PCDH1: variants seen among roughly 807,000 people sequenced by gnomAD.
PCDH1 encodes the protein protocadherin-1.
PCDH1 carries 23 observed loss-of-function variants against 74.6 expected under a neutral mutation model. That is an observed-to-expected ratio of 0.31 (90% CI 0.22 to 0.44). The LOEUF (loss-of-function observed/expected upper bound fraction) is 0.44, where lower values mean the gene tolerates loss of function less well. PCDH1 is among the 20% of genes least tolerant of loss of function. The pLI, the probability that PCDH1 is intolerant of heterozygous loss-of-function variation, is 1.00. For synonymous variants in PCDH1, 647 were observed against 686.1 expected (o/e 0.94, Z 0.89); for missense variants, 1,214 against 1,641.4 (o/e 0.74, Z 4.50).
rs181904971 is a variant in PCDH1 at position 141,863,706 on chromosome 5, G to A, written c.2625C>T (p.Arg875=). The A allele has an allele frequency of 6.2e-7, 1 of 1,614,206 alleles. No individual in the cohort carries two copies. Among genetic ancestry groups the A allele is most frequent in the Non-Finnish European group, 8.5e-7 (1 of 1,180,028 alleles). Residue 875 remains arginine (R), a synonymous_variant, in exon 3 of 5, where the codon CGC becomes CGT. Coordinates refer to ENST00000287008, the MANE Select transcript of PCDH1 (RefSeq NM_032420.5). This position sits in a 1 kb window ranked among gnomAD's most constrained non-coding sequence, Gnocchi z 7.5. ...ALLIALAVLV[R]YCRQREAKSG... ...TTTTGGCCTCCCGCTGTCTGCAGTA[G>A]CGCACAAGAACCGCCAGGGCGATGA... is the stretch of plus-strand genomic sequence containing the variant.
Position 141,869,825 on chromosome 5 carries a change from T to A in PCDH1, c.41-394A>T. On this transcript the variant is annotated intron_variant, in intron 1 of 4. Transcript: ENST00000287008. The surrounding 1 kb of genome is among the most constrained non-coding windows in gnomAD (Gnocchi z 4.9). ...ACGAGCATCCTGCCTTAGTCACCGA[T>A]GGTAATTACCTTGATACTGAGATAG... 1.0e-6 allele frequency: 1 copy of A among 984,256 alleles called. No homozygotes were observed. The highest frequency in any genetic ancestry group is 1.2e-6 in the Non-Finnish European group (1 of 828,886). The allele number at this position is 984,256 out of a possible 1,614,324, so 61.0% of individuals were successfully genotyped here. A position where few individuals can be genotyped will look rare whatever the true frequency, so the allele number is the denominator to read the frequency against.
Position 141,869,946 on chromosome 5 carries a change from TACAC to T in PCDH1, c.41-519_41-516del, listed in dbSNP as rs1199592442. Among the ~76,000 whole-genome samples, 1 of 152,096 alleles carries T rather than the reference TACAC, an allele frequency of 6.6e-6. No individual in the cohort carries two copies. The highest frequency in any genetic ancestry group is 1.5e-5 in the Non-Finnish European group (1 of 68,006). On this transcript the variant is annotated intron_variant, in intron 1 of 4. Coordinates refer to ENST00000287008, the MANE Select transcript of PCDH1 (RefSeq NM_032420.5). This position sits in a 1 kb window ranked among gnomAD's most constrained non-coding sequence, Gnocchi z 4.9. ...TAGGAAAGAGACACAAGTACGTCCT[TACAC>T]ACCCCAGACCCTGGGACCTTGACTT...
chr5:141,864,140 G>A lies in PCDH1; in HGVS notation c.2191C>T (p.Arg731Cys), dbSNP rs753105427. 3.1e-6 allele frequency: 5 copies of A among 1,609,108 alleles called. No homozygotes were observed. In the Admixed American group the frequency reaches 5.0e-5, roughly 16 times the overall value. The change falls in exon 3 of 5, where the codon CGT becomes TGT. Residue 731 changes from arginine (R) to cysteine (C), a missense_variant. Transcript: ENST00000287008. This position sits in a 1 kb window ranked among gnomAD's most constrained non-coding sequence, Gnocchi z 5.9. ...TSHKLLTPQTRLGETVSQVAA... is the reference protein window; with the variant it reads ...TSHKLLTPQTCLGETVSQVAA... Reference sequence around the variant, plus strand: ...ACCTGGCTGACCGTCTCACCAAGACGTGTCTGGGGGGTCAGCAGCTTGTGA... The same window carrying A: ...ACCTGGCTGACCGTCTCACCAAGACATGTCTGGGGGGTCAGCAGCTTGTGA...
intron 1 of PCDH1, among the ~76,000 whole-genome samples, chr5:141,872,093 G>A (rs1278845570): frequency 6.6e-6 from 1 of 151,868 alleles, no homozygotes; most frequent in Non-Finnish European, 1.5e-5. Context: ...AAAGGAAGCA[G>A]GAATTTATCT....
Position 141,868,760 on chromosome 5 carries a change from G to T in PCDH1, c.712C>A (p.Leu238Met), listed in dbSNP as rs748436639. 7.4e-6 allele frequency: 12 copies of T among 1,614,062 alleles called. No individual in the cohort carries two copies. The Admixed American group carries it at 8.3e-5, about 11-fold the overall frequency. Residue 238 changes from leucine (L) to methionine (M), a missense_variant, in exon 2 of 5, where the codon CTG becomes ATG. Leu to Met is a conservative substitution (Grantham distance 15). Transcript: ENST00000287008. The surrounding 1 kb of genome is among the most constrained non-coding windows in gnomAD (Gnocchi z 4.8). Reference sequence around the variant, plus strand: ...TAGGAGTCCCAGCGCTCACGGTCCAGGTTGCCCATCACAATGAGCTGTGGT... The same window carrying T: ...TAGGAGTCCCAGCGCTCACGGTCCATGTTGCCCATCACAATGAGCTGTGGT... The part of the protein sequence containing the change: ...KQPQLIVMGN[L>M]DRERWDSYDL...
At chr5:141,870,236 G>A (rs1056977642) in intron 1 of PCDH1, among the ~76,000 whole-genome samples, 3 of 152,282 alleles carry the variant, frequency 2.0e-5, no homozygotes, top group Non-Finnish European at 2.9e-5. Context: ...GCCCCAGAAC[G>A]TGCACACAGG....
rs777936720 is a variant in PCDH1 at position 141,865,270 on chromosome 5, C to T, written c.1061G>A (p.Arg354His). 3.1e-6 allele frequency: 5 copies of T among 1,614,182 alleles called. No individual in the cohort carries two copies. Among genetic ancestry groups the T allele is most frequent in the South Asian group, 1.1e-5 (1 of 91,088 alleles). The change falls in exon 3 of 5, where the codon CGC (arginine) becomes CAC (histidine). Residue 354 changes from arginine to histidine, a missense_variant. Around this residue, in one of 4 missense-constraint regions of PCDH1, gnomAD observed 836 missense variants for 1,182.2 expected, o/e 0.71. Coordinates refer to ENST00000287008, the MANE Select transcript of PCDH1 (RefSeq NM_032420.5). This position sits in a 1 kb window ranked among gnomAD's most constrained non-coding sequence, Gnocchi z 4.4. Reference protein sequence around the residue: ...PVDREDLSTLRFSVLAKDRGT... With the variant: ...PVDREDLSTLHFSVLAKDRGT... ...TCGGTCCTTAGCAAGCACTGAGAAG[C>T]GCAGGGTGCTTAGGTCCTCACGGTC... is the stretch of plus-strand genomic sequence containing the variant.
In PCDH1 at chr5:141,865,378, G is replaced by A; in HGVS notation, c.953C>T (p.Thr318Ile). The A allele has an allele frequency of 6.2e-7, 1 of 1,614,030 alleles. No individual in the cohort carries two copies. The highest frequency in any genetic ancestry group is 8.5e-7 in the Non-Finnish European group (1 of 1,180,034). The change falls in exon 3 of 5, where the codon ACA (threonine) becomes ATA (isoleucine). Residue 318 changes from threonine (T) to isoleucine (I), a missense_variant. Transcript: ENST00000287008. This position sits in a 1 kb window ranked among gnomAD's most constrained non-coding sequence, Gnocchi z 4.4. ...CACAACTTCGGGCGCCTGGTGGAATGTGTATTCGATTTCTGCATTGGCACC... is the reference window on the plus strand; with the variant it reads ...CACAACTTCGGGCGCCTGGTGGAATATGTATTCGATTTCTGCATTGGCACC... ...DQGANAEIEY[T>I]FHQAPEVVRR...
chr5:141,863,039 T>G lies in PCDH1; in HGVS notation c.3099+193A>C. On this transcript the variant is annotated intron_variant, in intron 3 of 4. Coordinates refer to ENST00000287008, the MANE Select transcript of PCDH1 (RefSeq NM_032420.5). The surrounding 1 kb of genome is among the most constrained non-coding windows in gnomAD (Gnocchi z 7.5). ...GGAGACCACAGAGCACACCCTCCCT[T>G]AATCTTCACTCAGCCTAATCCGTGT... 1 of 1,317,974 alleles carries G rather than the reference T, an allele frequency of 7.6e-7. No homozygotes were observed. The highest frequency in any genetic ancestry group is 9.7e-7 in the Non-Finnish European group (1 of 1,033,314). The allele number at this position is 1,317,974 out of a possible 1,614,324, so 81.6% of individuals were successfully genotyped here.
At chr5:141,874,397 C>A (rs1031254865) in intron 1 of PCDH1, among the ~76,000 whole-genome samples, 1 of 152,198 alleles carries the variant, frequency 6.6e-6, no homozygotes, top group Non-Finnish European at 1.5e-5. Context: ...TTCCCCGGGC[C>A]CTGGCTGCCT....
intron 3 of PCDH1, chr5:141,862,589 C>T (rs1752608693): frequency 1.0e-6 from 1 of 981,154 alleles, no homozygotes; most frequent in Non-Finnish European, 1.2e-6. Flanking sequence ...GACCTGAGGA[C>T]AAAGGGCTGC....
At chr5:141,875,989 G>A (rs1753218208) in intron 1 of PCDH1, among the ~76,000 whole-genome samples, 1 of 152,220 alleles carries the variant, frequency 6.6e-6, no homozygotes, top group Non-Finnish European at 1.5e-5. Context: ...CAGAGCAGGT[G>A]CTAGAAGCCT....
At chr5:141,870,175 T>C (rs147287903) in intron 1 of PCDH1, among the ~76,000 whole-genome samples, 111 of 152,244 alleles carry the variant, frequency 7.3e-4, no homozygotes, top group Middle Eastern at 3.4e-3. Flanking sequence ...GTGAAAATGG[T>C]TAGGGTTGAG....
At position 141,864,075 on chromosome 5, in the gene PCDH1, C is replaced by T; in HGVS notation, c.2256G>A (p.Leu752=). Residue 752 remains leucine, a synonymous_variant, in exon 3 of 5, where the codon CTG becomes CTA. Transcript: ENST00000287008. The surrounding 1 kb of genome is among the most constrained non-coding windows in gnomAD (Gnocchi z 5.9). ...GGTTGCCACCTGCAATGCTGTAGAT[C>T]AGCTCAGCATTGACACCAGAGTCAA... ...EDFDSGVNAE[L]IYSIAGGNPY... 6.2e-7 allele frequency: 1 copy of T among 1,613,554 alleles called. No homozygotes were observed. The highest frequency in any genetic ancestry group is 8.5e-7 in the Non-Finnish European group (1 of 1,179,604).
intron 4 of PCDH1, among the ~76,000 whole-genome samples, chr5:141,855,790 C>T (rs543611758): frequency 3.3e-5 from 5 of 152,304 alleles, no homozygotes; most frequent in African/African-American, 1.2e-4. Context: ...GCCCCAGCTC[C>T]CTGCCCAGAA....
chr5:141,875,917 C>G (rs960378894), intron 1 of PCDH1, among the ~76,000 whole-genome samples: 1 of 152,142 alleles, frequency 6.6e-6, no homozygotes, highest in Non-Finnish European at 1.5e-5. Flanking sequence ...ACAGCTAGAC[C>G]TCCGGCTTGT....
At chr5:141,872,980 G>A (rs1464108385) in intron 1 of PCDH1, among the ~76,000 whole-genome samples, 1 of 152,162 alleles carries the variant, frequency 6.6e-6, no homozygotes, top group African/African-American at 2.4e-5. Context: ...TCTTCAAAAT[G>A]AGGATTATCT....
At position 141,869,067 on chromosome 5, in the gene PCDH1, C is replaced by T; in HGVS notation, c.405G>A (p.Glu135=). 6.2e-7 allele frequency: 1 copy of T among 1,614,074 alleles called. No individual in the cohort carries two copies. The highest frequency in any genetic ancestry group is 8.5e-7 in the Non-Finnish European group (1 of 1,180,028). ...NQLPGDPCIL[E]FEVSITDLVQ... Reference sequence around the variant, plus strand: ...CGAGGTCTGTGATAGATACCTCAAACTCCAGGATGCAGGGATCACCAGGGA... The same window carrying T: ...CGAGGTCTGTGATAGATACCTCAAATTCCAGGATGCAGGGATCACCAGGGA... Residue 135 remains glutamate, a synonymous_variant, in exon 2 of 5, where the codon GAG becomes GAA. Transcript: ENST00000287008. This position sits in a 1 kb window ranked among gnomAD's most constrained non-coding sequence, Gnocchi z 4.9.
intron 1 of PCDH1, among the ~76,000 whole-genome samples, chr5:141,877,217 A>G (rs1273531642): frequency 6.6e-6 from 1 of 151,996 alleles, no homozygotes; most frequent in African/African-American, 2.4e-5. Flanking sequence ...CTGTTGGTTT[A>G]AGGTGTGTGT....
Sources: allele counts gnomAD v4.1 joint callset (sites outside exome capture counted in the v4.1 genomes callset), GRCh38; gene constraint gnomAD v4.1.1; regional missense constraint gnomAD v4.1.1; non-coding constraint Gnocchi (gnomAD v3.1); transcripts MANE v1.5; gene names NCBI Gene and HGNC (gene_info 2026-07-23, HGNC 2026-07-21).